Variants in CPNE4 observed in about 807,000 individuals in gnomAD.
CPNE4 encodes copine-4.
Under a neutral mutation model 67.9 loss-of-function variants are expected in CPNE4, and 25 were observed. That is an observed-to-expected ratio of 0.37 (90% confidence interval 0.27 to 0.51). The LOEUF (loss-of-function observed/expected upper bound fraction) is 0.51, where lower values mean the gene tolerates loss of function less well. Ranked by LOEUF, CPNE4 falls within the 20% of genes least tolerant of loss-of-function variation. The pLI, the probability that CPNE4 is intolerant of heterozygous loss-of-function variation, is 0.93. For synonymous variants in CPNE4, 242 were observed against 244.9 expected, an observed-to-expected ratio of 0.99 and a Z score of 0.11; for missense variants, 464 against 690.8, an observed-to-expected ratio of 0.67 and a Z score of 3.68.
intron 11 of CPNE4, among the ~76,000 whole-genome samples, chr3:131,562,025 T>C (rs919682253): frequency 2.6e-5 from 4 of 152,088 alleles, no homozygotes; most frequent in Admixed American, 6.5e-5. Flanking sequence ...CACTGAGCTG[T>C]AGAAATTTGA....
At chr3:131,603,131 T>C (rs1017063652) in intron 7 of CPNE4, among the ~76,000 whole-genome samples, 1 of 152,200 alleles carries the variant, frequency 6.6e-6, no homozygotes, top group Admixed American at 6.5e-5. Context: ...ATCTGTTTCA[T>C]AGCAGGAAGC....
intron 3 of CPNE4, among the ~76,000 whole-genome samples, chr3:131,711,413 G>C (rs970300773): frequency 6.6e-6 from 1 of 152,190 alleles, no homozygotes; most frequent in South Asian, 2.1e-4. Flanking sequence ...AGTGGGGAGA[G>C]AGAAGTTTGG....
chr3:131,860,763 T>C (rs1400169190), intron 2 of CPNE4, among the ~76,000 whole-genome samples: 1 of 152,214 alleles, frequency 6.6e-6, no homozygotes, highest in Admixed American at 6.6e-5. Context: ...ACCTATCGTC[T>C]GTGTGCCAAT....
At chr3:131,652,902 A>G (rs1053171833) in intron 7 of CPNE4, among the ~76,000 whole-genome samples, 17 of 152,214 alleles carry the variant, frequency 1.1e-4, no homozygotes, top group African/African-American at 3.9e-4. Flanking sequence ...TGCCCACTGT[A>G]TAGTCTGTAG....
rs892050484 is a variant in CPNE4, at chr3:132,034,972, G to A, written c.-407C>T. On this transcript the variant is annotated 5_prime_UTR_variant, in exon 1 of 16. Transcript: ENST00000429747. Reference sequence around the variant, plus strand: ...AAAGAGAAGGGGACGAGCGGGTGGCGGGGAGATGGCAGCTTCTCACAGAGA... The same window carrying A: ...AAAGAGAAGGGGACGAGCGGGTGGCAGGGAGATGGCAGCTTCTCACAGAGA... The A allele has an allele frequency of 5.1e-6, 5 of 985,568 alleles. No homozygotes were observed. The African/African-American group carries it at 8.7e-5, about 17-fold the overall frequency. 61.1% of individuals were successfully genotyped at this position (985,568 alleles called of 1,614,324 possible). A position where few individuals can be genotyped will look rare whatever the true frequency, so the allele number is the denominator to read the frequency against.
At chr3:131,860,372 A>C (rs2086625891) in intron 2 of CPNE4, among the ~76,000 whole-genome samples, 1 of 152,184 alleles carries the variant, frequency 6.6e-6, no homozygotes, top group South Asian at 2.1e-4. Context: ...GACATGAAAA[A>C]TCCAAAAACT....
chr3:131,552,757 C>A (rs1373020957), intron 12 of CPNE4, among the ~76,000 whole-genome samples: 3 of 151,970 alleles, frequency 2.0e-5, no homozygotes, highest in African/African-American at 4.8e-5. Context: ...ATAAAAAAAT[C>A]CAAGAAAAGA....
At chr3:131,684,667 A>C (rs932790347) in intron 6 of CPNE4, among the ~76,000 whole-genome samples, 32 of 152,160 alleles carry the variant, frequency 2.1e-4, no homozygotes, top group Non-Finnish European at 8.8e-5. Context: ...TATGAAAGTC[A>C]TGGGGGTTTC....
intron 2 of CPNE4, among the ~76,000 whole-genome samples, chr3:131,900,999 G>A (rs898969698): frequency 6.6e-6 from 1 of 152,070 alleles, no homozygotes; most frequent in African/African-American, 2.4e-5. Flanking sequence ...GGTGATTGAA[G>A]CAACCACCTA....
chr3:131,890,588 T>G (rs61566966), intron 2 of CPNE4, among the ~76,000 whole-genome samples: 53,766 of 151,852 alleles, frequency 0.35, 10,683 homozygotes, highest in African/African-American at 0.53. Context: ...CAATCCCACT[T>G]TGGGGGTATA....
chr3:131,751,948 T>C (rs913835225), intron 2 of CPNE4, among the ~76,000 whole-genome samples: 1 of 152,220 alleles, frequency 6.6e-6, no homozygotes, highest in Middle Eastern at 3.4e-3. Context: ...CCTATTTCCC[T>C]AGCTGGTCTC....
At chr3:131,667,472 GT>G (rs1306350368) in intron 7 of CPNE4, among the ~76,000 whole-genome samples, 2 of 151,786 alleles carry the variant, frequency 1.3e-5, no homozygotes, top group African/African-American at 4.8e-5. Context: ...TGTGACGGGG[GT>G]GAAATGCTAC....
At chr3:131,585,158 T>C (rs2107697460) in intron 8 of CPNE4, among the ~76,000 whole-genome samples, 1 of 152,354 alleles carries the variant, frequency 6.6e-6, no homozygotes, top group East Asian at 1.9e-4. Flanking sequence ...CTTTTCTATA[T>C]GCACACTTTT....
At chr3:131,800,019 G>A (rs1160061604) in intron 2 of CPNE4, among the ~76,000 whole-genome samples, 4 of 151,536 alleles carry the variant, frequency 2.6e-5, no homozygotes, top group Non-Finnish European at 5.9e-5. Context: ...GATTCAGAGG[G>A]TACATATGCA....
intron 2 of CPNE4, among the ~76,000 whole-genome samples, chr3:131,807,126 G>A (rs780637639): frequency 1.4e-4 from 22 of 152,162 alleles, no homozygotes; most frequent in Non-Finnish European, 2.8e-4. Context: ...TGCCTGGCGG[G>A]GGTGGTGATG....
chr3:131,595,214 G>A (rs748140700), intron 7 of CPNE4, among the ~76,000 whole-genome samples: 7 of 152,200 alleles, frequency 4.6e-5, no homozygotes, highest in Admixed American at 6.5e-5. Context: ...CCACACTGGG[G>A]TGGAAATACA....
chr3:131,751,928 GA>G (rs2082639895), intron 2 of CPNE4, among the ~76,000 whole-genome samples: 1 of 152,054 alleles, frequency 6.6e-6, no homozygotes, highest in South Asian at 2.1e-4. Flanking sequence ...TGCTGGGCAG[GA>G]ATGGGAGTCC....
chr3:131,698,904 T>A (rs1209883828), intron 4 of CPNE4, among the ~76,000 whole-genome samples: 1 of 89,380 alleles, frequency 1.1e-5, no homozygotes, highest in Non-Finnish European at 2.3e-5. Flanking sequence ...GCTGAGACAC[T>A]GTCTCAAAAA....
intron 10 of CPNE4, among the ~76,000 whole-genome samples, chr3:131,569,381 T>C (rs1454542639): frequency 6.6e-6 from 1 of 151,970 alleles, no homozygotes; most frequent in Non-Finnish European, 1.5e-5. Flanking sequence ...ACACTTATAA[T>C]CCCAGTGCTT....
Sources: gnomAD v4.1 joint callset for allele counts (sites outside exome capture counted in the v4.1 genomes callset) on GRCh38, gnomAD v4.1.1 for gene constraint, MANE v1.5 for transcripts, NCBI Gene and HGNC (gene_info 2026-07-23, HGNC 2026-07-21) for gene names.